Variants in DGKG observed in about 807,000 individuals in gnomAD.
DGKG encodes the protein DAG kinase gamma.
DGKG carries 78 observed loss-of-function variants against 105.3 expected under a neutral mutation model. The observed-to-expected ratio is 0.74, with a 90% CI of 0.62 to 0.89. DGKG has a LOEUF of 0.89. Among genes scored for constraint, DGKG ranks in the 40% least tolerant of loss-of-function variants. The pLI, the probability that DGKG is intolerant of heterozygous loss-of-function variation, is 0.00. For synonymous variants in DGKG, 346 were observed against 367.1 expected, an observed-to-expected ratio of 0.94 and a Z score of 0.66; for missense variants, 958 against 1,020.1, an observed-to-expected ratio of 0.94 and a Z score of 0.83.
intron 1 of DGKG, among the ~76,000 whole-genome samples, chr3:186,329,986 T>C (rs1470795095): frequency 1.3e-5 from 2 of 152,246 alleles, no homozygotes; most frequent in African/African-American, 4.8e-5. Context: ...AGTTCATTTT[T>C]TGACACTAGA....
intron 22 of DGKG, among the ~76,000 whole-genome samples, chr3:186,186,958 A>G (rs1388329454): frequency 1.3e-5 from 2 of 152,248 alleles, no homozygotes; most frequent in African/African-American, 2.4e-5. Context: ...CAGTTGTTCC[A>G]GACAGAAAGA....
Position 186,279,938 on chromosome 3 carries a change from G to C in DGKG, c.705C>G (p.Asp235Glu). Reference protein sequence around the residue: ...LKEMLQGMDYDRDGFVSLQEW... With the variant: ...LKEMLQGMDYERDGFVSLQEW... The stretch of plus-strand genomic sequence containing the variant: ...CCTGTAGAGACACAAAGCCGTCCCG[G>C]TCGTAGTCCATCCCTTGCAGCATCT... Residue 235 changes from aspartate to glutamate, a missense_variant, in exon 9 of 25, where the codon GAC becomes GAG. Around this residue, in one of 2 missense-constraint regions of DGKG, gnomAD observed 643 missense variants for 619.5 expected, o/e 1.04. Coordinates refer to ENST00000265022, the MANE Select transcript of DGKG (RefSeq NM_001346.3). 1 of 1,614,140 alleles carries C rather than the reference G, an allele frequency of 6.2e-7. No individual in the cohort carries two copies. The highest frequency in any genetic ancestry group is 8.5e-7 in the Non-Finnish European group (1 of 1,179,986).
At chr3:186,349,793 A>G (rs149715331) in intron 1 of DGKG, among the ~76,000 whole-genome samples, 16 of 152,322 alleles carry the variant, frequency 1.1e-4, no homozygotes, top group Non-Finnish European at 1.6e-4. Flanking sequence ...TGCATAACAT[A>G]AAAGTTACCA....
chr3:186,249,703 G>A (rs1721115233), intron 19 of DGKG, among the ~76,000 whole-genome samples: 1 of 152,130 alleles, frequency 6.6e-6, no homozygotes, highest in African/African-American at 2.4e-5. Flanking sequence ...TTAGCTGGAT[G>A]TGGTATTGCA....
At chr3:186,274,884 A>G (rs1047789206) in intron 10 of DGKG, among the ~76,000 whole-genome samples, 4 of 152,124 alleles carry the variant, frequency 2.6e-5, no homozygotes, top group Admixed American at 6.5e-5. Flanking sequence ...ATGATTTATA[A>G]TCCTTTGGGT....
intron 21 of DGKG, among the ~76,000 whole-genome samples, chr3:186,200,983 G>T (rs1480865536): frequency 6.6e-6 from 1 of 152,152 alleles, no homozygotes; most frequent in Non-Finnish European, 1.5e-5. Context: ...GCAGCTGGGG[G>T]TGGGGGTGCC....
intron 1 of DGKG, among the ~76,000 whole-genome samples, chr3:186,330,412 C>A (rs11926502): frequency 0.036 from 5,407 of 152,206 alleles, 317 homozygotes; most frequent in African/African-American, 0.12. Context: ...GATATTTATG[C>A]CCTTTCTAGT....
intron 13 of DGKG, chr3:186,267,481 T>C: frequency 1.9e-6 from 1 of 532,922 alleles, no homozygotes; most frequent in Non-Finnish European, 3.4e-6. Context: ...CACAACAAAC[T>C]CCCGCAAGAC....
At chr3:186,245,679 G>C (rs1482087514) in intron 19 of DGKG, among the ~76,000 whole-genome samples, 3 of 152,148 alleles carry the variant, frequency 2.0e-5, no homozygotes, top group Admixed American at 6.5e-5. Flanking sequence ...GGGTGAAGAG[G>C]AGATGGTGGA....
intron 22 of DGKG, among the ~76,000 whole-genome samples, chr3:186,178,572 G>A (rs1717204371): frequency 6.6e-6 from 1 of 152,232 alleles, no homozygotes; most frequent in Admixed American, 6.5e-5. Context: ...GCTCAAACCT[G>A]TGTGAGCAAG....
chr3:186,305,726 G>T (rs946902842), intron 3 of DGKG, among the ~76,000 whole-genome samples: 11 of 152,132 alleles, frequency 7.2e-5, no homozygotes, highest in African/African-American at 2.7e-4. Flanking sequence ...GGCGAGATGT[G>T]TCTATATTTT....
At chr3:186,247,431 G>T (rs1396596284) in intron 19 of DGKG, among the ~76,000 whole-genome samples, 1 of 152,018 alleles carries the variant, frequency 6.6e-6, no homozygotes, top group Non-Finnish European at 1.5e-5. Context: ...GATATTCTAG[G>T]TCCTTCAAAA....
chr3:186,307,411 A>G (rs111348847), intron 2 of DGKG, among the ~76,000 whole-genome samples: 1,650 of 152,186 alleles, frequency 0.011, 30 homozygotes, highest in African/African-American at 0.037. Flanking sequence ...CTCTCTCATG[A>G]TGTTTCTTCT....
intron 3 of DGKG, among the ~76,000 whole-genome samples, chr3:186,301,717 A>C (rs952537292): frequency 1.3e-5 from 2 of 152,196 alleles, no homozygotes; most frequent in African/African-American, 4.8e-5. Context: ...TATACATTAT[A>C]AAATATTTGC....
At chr3:186,161,707 T>A in intron 23 of DGKG, 44 bp from the exon 24 acceptor site, 1 of 1,613,882 alleles carries the variant, frequency 6.2e-7, no homozygotes, top group South Asian at 1.1e-5. Flanking sequence ...CTTTTTCAAG[T>A]GGGAGAATCA....
Position 186,160,778 on chromosome 3 carries a change from C to T in DGKG, c.2277+825G>A, listed in dbSNP as rs1025695276. The T allele has an allele frequency of 1.3e-5, 13 of 985,292 alleles. No individual in the cohort carries two copies. The Admixed American group carries it at 1.8e-4, about 14-fold the overall frequency. The allele number at this position is 985,292 out of a possible 1,614,324, so 61.0% of individuals were successfully genotyped here. A position where few individuals can be genotyped will look rare whatever the true frequency, so the allele number is the denominator to read the frequency against. ...CCAGCAGAGGCCCTGAAAACCAGGA[C>T]GACGATTGCTCTTCACCACGAGATT... On this transcript the variant is annotated intron_variant, in intron 24 of 24. Coordinates refer to ENST00000265022, the MANE Select transcript of DGKG (RefSeq NM_001346.3).
At chr3:186,356,852 G>T (rs375378922) in intron 1 of DGKG, among the ~76,000 whole-genome samples, 3 of 152,182 alleles carry the variant, frequency 2.0e-5, no homozygotes, top group South Asian at 4.1e-4. Context: ...GACTATGGTG[G>T]TTGACTGGTC....
chr3:186,302,285 T>C (rs1723955731), intron 3 of DGKG, among the ~76,000 whole-genome samples: 1 of 151,798 alleles, frequency 6.6e-6, no homozygotes, highest in South Asian at 2.1e-4. Context: ...TCATAGGTAT[T>C]TGAATGGATG....
chr3:186,231,207 T>TG lies in DGKG; in HGVS notation c.1826+11296dup, dbSNP rs759510215. Among the ~76,000 whole-genome samples, 3 of 152,160 alleles carry TG rather than the reference T, an allele frequency of 2.0e-5. No homozygotes were observed. The highest frequency in any genetic ancestry group is 1.3e-4 in the Admixed American group (2 of 15,280). ...AGGAAAAGTGATTTTGGATAACTTG[T>TG]GGTTTTCTCATGGGCCCTTTAATCA... On this transcript the variant is annotated intron_variant, in intron 20 of 24. Transcript: ENST00000265022. This position sits in a 1 kb window ranked among gnomAD's most constrained non-coding sequence, Gnocchi z 4.5.
Sources: gnomAD v4.1 joint callset for allele counts (sites outside exome capture counted in the v4.1 genomes callset) on GRCh38, gnomAD v4.1.1 for gene constraint, gnomAD v4.1.1 regional missense constraint, Gnocchi (gnomAD v3.1) non-coding constraint, MANE v1.5 for transcripts, NCBI Gene and HGNC (gene_info 2026-07-23, HGNC 2026-07-21) for gene names.